ABHD3: variants seen among roughly 807,000 people sequenced by gnomAD.
The protein encoded by ABHD3 is abhydrolase domain containing 3, phospholipase.
A neutral mutation model predicts 48.8 loss-of-function variants in ABHD3; 46 were observed. The observed-to-expected ratio is 0.94, with a 90% CI of 0.74 to 1.20. The LOEUF is 1.20. Ranked by LOEUF, ABHD3 falls within the 50% of genes most tolerant of loss-of-function variation. ABHD3 has a pLI of 0.00. For synonymous variants in ABHD3, 192 were observed against 183.7 expected (o/e 1.04, Z -0.36); for missense variants, 490 against 497.8 (o/e 0.98, Z 0.15).
chr18:21,692,542 A>G (rs532354122), intron 3 of ABHD3, among the ~76,000 whole-genome samples: 2 of 152,332 alleles, frequency 1.3e-5, no homozygotes, highest in African/African-American at 4.8e-5. Context: ...AAAGAATAGC[A>G]AGTTAATATT....
At chr18:21,703,503 A>G (rs1285494256) in intron 2 of ABHD3, 81 bp downstream of exon 2, 1 of 1,518,178 alleles carries the variant, frequency 6.6e-7, no homozygotes, top group African/African-American at 1.4e-5. Context: ...GATTCTATTA[A>G]CCAAGAACTG....
intron 8 of ABHD3, among the ~76,000 whole-genome samples, chr18:21,653,368 A>G (rs1039510530): frequency 1.3e-5 from 2 of 151,370 alleles, no homozygotes; most frequent in African/African-American, 4.8e-5. Context: ...AGGCTGGTCT[A>G]GAACTCCTGA....
At chr18:21,691,903 A>G (rs2040259908) in intron 3 of ABHD3, among the ~76,000 whole-genome samples, 1 of 152,226 alleles carries the variant, frequency 6.6e-6, no homozygotes, top group African/African-American at 2.4e-5. Context: ...TCAACATTTC[A>G]AAAAGCCTCA....
Position 21,677,335 on chromosome 18 carries a change from C to G in ABHD3, c.555+6585G>C, listed in dbSNP as rs200815913. ...TCAACCTCCCAAGTAGCTGGGACTACAGGTGCCTGCCACCACGCCTGGCAA... is the reference window on the plus strand; with the variant it reads ...TCAACCTCCCAAGTAGCTGGGACTAGAGGTGCCTGCCACCACGCCTGGCAA... On this transcript the variant is annotated intron_variant, in intron 4 of 8. Coordinates refer to ENST00000289119, the MANE Select transcript of ABHD3 (RefSeq NM_138340.5). 3.3e-5 allele frequency among the ~76,000 whole-genome samples: 5 copies of G among 152,004 alleles called. No individual in the cohort carries two copies. In the East Asian group the frequency reaches 5.8e-4, roughly 18 times the overall value.
chr18:21,690,943 C>G (rs1328017924), intron 3 of ABHD3, among the ~76,000 whole-genome samples: 7 of 143,064 alleles, frequency 4.9e-5, no homozygotes, highest in African/African-American at 1.9e-4. Flanking sequence ...TGCAGTGAGC[C>G]GAGATCATGC....
intron 3 of ABHD3, among the ~76,000 whole-genome samples, chr18:21,697,299 T>G (rs1158970559): frequency 6.6e-6 from 1 of 152,102 alleles, no homozygotes; most frequent in Non-Finnish European, 1.5e-5. Flanking sequence ...GGTCTTGAAC[T>G]CCTGACCTCG....
At chr18:21,699,144 C>T (rs555902519) in intron 3 of ABHD3, among the ~76,000 whole-genome samples, 1 of 152,166 alleles carries the variant, frequency 6.6e-6, no homozygotes, top group Non-Finnish European at 1.5e-5. Context: ...GAACTCCTAA[C>T]CTCAAGTGAT....
intron 2 of ABHD3, among the ~76,000 whole-genome samples, chr18:21,703,121 G>A (rs894295971): frequency 4.0e-5 from 6 of 151,330 alleles, no homozygotes; most frequent in African/African-American, 1.5e-4. Context: ...CACATCAAGA[G>A]CTATTATCAT....
chr18:21,703,213 A>C (rs978536912), intron 2 of ABHD3, among the ~76,000 whole-genome samples: 1,172 of 61,134 alleles, frequency 0.019, no homozygotes, highest in Middle Eastern at 0.025. Context: ...CATCCTTCTC[A>C]CCCCACCCCC....
intron 4 of ABHD3, among the ~76,000 whole-genome samples, chr18:21,681,077 T>C (rs2039996619): frequency 6.6e-6 from 1 of 151,998 alleles, no homozygotes; most frequent in African/African-American, 2.4e-5. Flanking sequence ...ACTCTACACG[T>C]GCCCTAACTA....
intron 5 of ABHD3, chr18:21,661,952 G>C (rs2039509487): frequency 6.8e-6 from 1 of 147,778 alleles, no homozygotes; most frequent in Non-Finnish European, 1.5e-5. Context: ...GATTATAGGT[G>C]TGAGCCACCG....
chr18:21,704,415 G>A (rs1295679983), intron 1 of ABHD3, 89 bp downstream of exon 1: 3 of 1,219,546 alleles, frequency 2.5e-6, no homozygotes, highest in Non-Finnish European at 3.1e-6. Context: ...CGGGGCTGCC[G>A]ACCGCCCCTG....
chr18:21,699,262 G>A (rs1391154973), intron 3 of ABHD3, among the ~76,000 whole-genome samples: 1 of 152,164 alleles, frequency 6.6e-6, no homozygotes, highest in East Asian at 1.9e-4. Context: ...AGAACGCTGT[G>A]ATGAGGGAAC....
chr18:21,665,948 C>G (rs1378545108), intron 4 of ABHD3, among the ~76,000 whole-genome samples: 1 of 152,094 alleles, frequency 6.6e-6, no homozygotes, highest in African/African-American at 2.4e-5. Context: ...GTATGGTTTC[C>G]TAGTGCTGTC....
chr18:21,704,071 GTAACGGGGTTTC>G (rs2040579436), intron 1 of ABHD3, among the ~76,000 whole-genome samples: 1 of 152,134 alleles, frequency 6.6e-6, no homozygotes, highest in African/African-American at 2.4e-5. Context: ...TTTTGTAATT[GTAACGGGGTTTC>G]ACCATTTTGG....
chr18:21,651,827 GTT>G, intron 8 of ABHD3, 64 bp from the exon 9 acceptor site: 1 of 1,415,054 alleles, frequency 7.1e-7, no homozygotes, highest in Non-Finnish European at 9.5e-7. Flanking sequence ...TAATCATTAT[GTT>G]TTTGTCAGGA....
At chr18:21,699,438 C>A (rs139486434) in intron 3 of ABHD3, among the ~76,000 whole-genome samples, 8 of 152,304 alleles carry the variant, frequency 5.3e-5, no homozygotes, top group Admixed American at 4.6e-4. Flanking sequence ...ATTTTGGTAC[C>A]TAAAGACTCA....
intron 8 of ABHD3, 139 bp from the exon 9 acceptor site, chr18:21,651,902 TA>T: frequency 1.4e-6 from 1 of 723,570 alleles, no homozygotes; most frequent in Non-Finnish European, 2.1e-6. Context: ...TAAATATATG[TA>T]ATGAGCATAG....
intron 3 of ABHD3, among the ~76,000 whole-genome samples, chr18:21,691,801 T>A (rs2040257788): frequency 6.6e-6 from 1 of 152,154 alleles, no homozygotes; most frequent in Non-Finnish European, 1.5e-5. Flanking sequence ...TAAGCAACAA[T>A]CATGGGATTG....
Sources: gnomAD v4.1 joint callset for allele counts (sites outside exome capture counted in the v4.1 genomes callset) on GRCh38, gnomAD v4.1.1 for gene constraint, MANE v1.5 for transcripts, NCBI Gene and HGNC (gene_info 2026-07-23, HGNC 2026-07-21) for gene names.